Variants in SCNM1 observed in about 807,000 individuals in gnomAD.
SCNM1 encodes the protein sodium channel modifier 1.
A neutral mutation model predicts 32.8 loss-of-function variants in SCNM1; 24 were observed. That is an observed-to-expected ratio of 0.73 (90% CI 0.53 to 1.03). The LOEUF is 1.03. Among genes scored for constraint, SCNM1 ranks in the 50% least tolerant of loss-of-function variants. The pLI, the probability that SCNM1 is intolerant of heterozygous loss-of-function variation, is 0.00. For synonymous variants in SCNM1, 99 were observed against 103.2 expected, an observed-to-expected ratio of 0.96 and a Z score of 0.25; for missense variants, 274 against 282.3, an observed-to-expected ratio of 0.97 and a Z score of 0.21.
chr1:151,168,078 G>T, intron 5 of SCNM1, 66 bp from the exon 6 acceptor site: 2 of 1,479,362 alleles, frequency 1.4e-6, no homozygotes, highest in Admixed American at 2.3e-5. Flanking sequence ...GTTTTAAGAG[G>T]TTGGGAGTCA....
chr1:151,168,791 T>A (rs587740806), intron 6 of SCNM1, among the ~76,000 whole-genome samples, 195 bp from the exon 7 acceptor site: 10 of 9,426 alleles, frequency 1.1e-3, no homozygotes, highest in East Asian at 6.6e-3. Context: ...CACTGCTAAC[T>A]TTTTTTTTTT....
At chr1:151,166,643 A>T in intron 2 of SCNM1, 102 bp downstream of exon 2, 1 of 1,513,722 alleles carries the variant, frequency 6.6e-7, no homozygotes, top group South Asian at 1.2e-5. Context: ...GGTGCTGCCC[A>T]GGCTGCCCTC....
intron 2 of SCNM1, 161 bp from the exon 3 acceptor site, chr1:151,166,773 C>A: frequency 7.8e-7 from 1 of 1,277,832 alleles, no homozygotes; most frequent in Non-Finnish European, 1.1e-6. Context: ...GCAGGAGTAC[C>A]TAGGATTCTT....
Position 151,167,368 on chromosome 1 carries a change from C to T in SCNM1, c.352C>T (p.Leu118=). 1 of 1,614,168 alleles carries T rather than the reference C, an allele frequency of 6.2e-7. No homozygotes were observed. The highest frequency in any genetic ancestry group is 8.5e-7 in the Non-Finnish European group (1 of 1,180,036). The change falls in exon 5 of 7, where the codon CTG becomes TTG. Residue 118 remains leucine, a synonymous_variant. Coordinates refer to ENST00000368905, the MANE Select transcript of SCNM1 (RefSeq NM_024041.4). ...TQTRLITQSA[L]HRAPHYNSCC... ...GACACGACTTATCACCCAGAGTGCT[C>T]TGCACAGAGCTCCCCACTATAACAG...
At chr1:151,168,596 C>CG (rs5777764) in intron 6 of SCNM1, among the ~76,000 whole-genome samples, 69,042 of 151,396 alleles carry the variant, frequency 0.46, 19,297 homozygotes, top group East Asian at 0.79. Flanking sequence ...TTAGTAGAGA[C>CG]GGGGTTTCTC....
chr1:151,167,724 C>A, intron 5 of SCNM1: 1 of 383,542 alleles, frequency 2.6e-6, no homozygotes, highest in South Asian at 2.3e-5. Flanking sequence ...CCCAGCTACT[C>A]AAGAGGCTGA....
chr1:151,167,856 A>T (rs1439359595), intron 5 of SCNM1: 5 of 338,608 alleles, frequency 1.5e-5, no homozygotes, highest in South Asian at 6.8e-5. Context: ...AGAAAGAAAA[A>T]GAAAAGGAGA....
chr1:151,166,380 T>G, intron 1 of SCNM1, 91 bp from the exon 2 acceptor site: 1 of 1,572,576 alleles, frequency 6.4e-7, no homozygotes, highest in Non-Finnish European at 8.6e-7. Context: ...GGGTCCTTAT[T>G]CCATTTCACT....
intron 6 of SCNM1, among the ~76,000 whole-genome samples, chr1:151,168,601 T>C (rs111733362): frequency 1.4e-5 from 2 of 145,450 alleles, no homozygotes; most frequent in Admixed American, 1.4e-4. Flanking sequence ...AGAGACGGGG[T>C]TTCTCCATGT....
rs146382113 is a variant in SCNM1 at position 151,167,559 on chromosome 1, C to A, written c.398+145C>A. ...AGAAAAGGAGAATTTTGGCTGGGCG[C>A]GGTGACTCACGCCTGTAATCCCAGC... On this transcript the variant is annotated intron_variant, in intron 5 of 6. Coordinates refer to ENST00000368905, the MANE Select transcript of SCNM1 (RefSeq NM_024041.4). The A allele has an allele frequency of 1.9e-3, 2,048 of 1,087,450 alleles. 27 individuals are homozygous for A. In the African/African-American group the frequency reaches 0.027, roughly 14 times the overall value. 67.4% of individuals were successfully genotyped at this position (1,087,450 alleles called of 1,614,324 possible). A position where few individuals can be genotyped will look rare whatever the true frequency, so the allele number is the denominator to read the frequency against.
rs147127258 is a variant in SCNM1 at position 151,168,790 on chromosome 1, CTTTTTTTTTTTTT to C, written c.594-181_594-169del. On this transcript the variant is annotated intron_variant, in intron 6 of 6. Transcript: ENST00000368905. ...GCTCTCAATTTTTTCTCACTGCTAA[CTTTTTTTTTTTTT>C]TTTTTTTTTTTTTTGGTAGAGACAG... Among the ~76,000 whole-genome samples, 10 of 40,378 alleles carry C rather than the reference CTTTTTTTTTTTTT, an allele frequency of 2.5e-4. No individual in the cohort carries two copies. The East Asian group carries it at 6.4e-3, about 26-fold the overall frequency. The allele number at this position is 40,378 out of a possible 152,430, so 26.5% of individuals were successfully genotyped here.
Position 151,169,522 on chromosome 1 carries a change from G to T in SCNM1, c.*437G>T, listed in dbSNP as rs998384857. ...GCCTCCCAAAGTGCTGGGATTACAG[G>T]CATGAGCCACCGCACCCAGCCACGG... is the stretch of plus-strand genomic sequence containing the variant. On this transcript the variant is annotated 3_prime_UTR_variant, in exon 7 of 7. Transcript: ENST00000368905. 6 of 179,762 alleles carry T rather than the reference G, an allele frequency of 3.3e-5. No homozygotes were observed. The highest frequency in any genetic ancestry group is 1.4e-4 in the African/African-American group (6 of 42,122). 11.1% of individuals were successfully genotyped at this position (179,762 alleles called of 1,614,324 possible). A position where few individuals can be genotyped will look rare whatever the true frequency, so the allele number is the denominator to read the frequency against.
Position 151,169,056 on chromosome 1 carries a change from G to T in SCNM1, c.664G>T (p.Glu222Ter), listed in dbSNP as rs1475041306. The T allele has an allele frequency of 8.7e-6, 14 of 1,613,974 alleles. No homozygotes were observed. Among genetic ancestry groups the T allele is most frequent in the Non-Finnish European group, 1.2e-5 (14 of 1,179,998 alleles). Residue 222 changes from glutamate (E) to a stop codon, truncating the protein, a stop_gained, in exon 7 of 7, where the codon GAG (glutamate) becomes TAG (stop). Coordinates refer to ENST00000368905, the MANE Select transcript of SCNM1 (RefSeq NM_024041.4). LOFTEE classifies it high-confidence loss of function. ...AAATGTTGAGTTTGACTCTGATGAG[G>T]AGGAACCACCTGATCTCCCCTTGGA... is the stretch of plus-strand genomic sequence containing the variant. ...DENVEFDSDE[E>*]EPPDLPLD
In SCNM1 at chr1:151,167,522, C is replaced by T. The variant is rs751291179; in HGVS notation, c.398+108C>T. On this transcript the variant is annotated intron_variant, in intron 5 of 6. Transcript: ENST00000368905. ...GAATACTAGTGTTCTGGAGATGTTA[C>T]TTAGTGTTTCAAGAAAAGGAGAATT... The T allele has an allele frequency of 4.7e-6, 7 of 1,478,026 alleles. No individual in the cohort carries two copies. In the South Asian group the frequency reaches 6.8e-5, roughly 14 times the overall value. The allele number at this position is 1,478,026 out of a possible 1,614,324, so 91.6% of individuals were successfully genotyped here. A position where few individuals can be genotyped will look rare whatever the true frequency, so the allele number is the denominator to read the frequency against.
intron 6 of SCNM1, among the ~76,000 whole-genome samples, chr1:151,168,540 C>T (rs1353971499): frequency 6.6e-6 from 1 of 151,984 alleles, no homozygotes; most frequent in Non-Finnish European, 1.5e-5. Flanking sequence ...TCCCGAGTAG[C>T]TGGGATTACA....
Position 151,168,231 on chromosome 1 carries a change from T to A in SCNM1, c.486T>A (p.Pro162=). 6.2e-7 allele frequency: 1 copy of A among 1,614,192 alleles called. No homozygotes were observed. The highest frequency in any genetic ancestry group is 8.5e-7 in the Non-Finnish European group (1 of 1,180,024). ...AAAGTGGGAAGATCAGTAGGGAACCTGAACCTGCGGCTGGCCCACAGGCCG... is the reference window on the plus strand; with the variant it reads ...AAAGTGGGAAGATCAGTAGGGAACCAGAACCTGCGGCTGGCCCACAGGCCG... ...KLQSGKISRE[P]EPAAGPQAEE... is the part of the protein sequence containing the mutation. The change falls in exon 6 of 7, where the codon CCT becomes CCA. Residue 162 remains proline, a synonymous_variant. Transcript: ENST00000368905.
At position 151,167,028 on chromosome 1, in the gene SCNM1, T is replaced by C; in HGVS notation, c.211+6T>C. 2 of 1,614,126 alleles carry C rather than the reference T, an allele frequency of 1.2e-6. No individual in the cohort carries two copies. The highest frequency in any genetic ancestry group is 2.2e-5 in the South Asian group (2 of 91,086). ...AGGCAAGAAACATCTGTCCAGTAAG[T>C]TAGGGGGAAGACGGGATGGGGAATA... is the stretch of plus-strand genomic sequence containing the variant. On this transcript the variant is annotated splice_donor_region_variant and intron_variant, in intron 3 of 6. Coordinates refer to ENST00000368905, the MANE Select transcript of SCNM1 (RefSeq NM_024041.4).
At chr1:151,168,887 C>T (rs999363425) in intron 6 of SCNM1, 99 bp from the exon 7 acceptor site, 18 of 1,360,616 alleles carry the variant, frequency 1.3e-5, no homozygotes, top group Admixed American at 9.6e-5. Context: ...ATCCACCTGC[C>T]TCGGCCTCCC....
Position 151,168,325 on chromosome 1 carries a change from C to T in SCNM1, c.580C>T (p.Leu194Phe), listed in dbSNP as rs371792376. Reference sequence around the variant, plus strand: ...AAGAAGACGAGCCCTGGACCATTATCTCACCCTTCGAAGGTGAGTATGCCT... The same window carrying T: ...AAGAAGACGAGCCCTGGACCATTATTTCACCCTTCGAAGGTGAGTATGCCT... ...PTRRRALDHY[L>F]TLRSSGWIPD... The change falls in exon 6 of 7, where the codon CTC (leucine) becomes TTC (phenylalanine). Residue 194 changes from leucine to phenylalanine, a missense_variant. Transcript: ENST00000368905. The T allele has an allele frequency of 1.7e-5, 28 of 1,608,274 alleles. No individual in the cohort carries two copies. The highest frequency in any genetic ancestry group is 2.2e-5 in the Non-Finnish European group (26 of 1,176,948).
Sources: gnomAD v4.1 joint callset for allele counts (sites outside exome capture counted in the v4.1 genomes callset) on GRCh38, gnomAD v4.1.1 for gene constraint, MANE v1.5 for transcripts, NCBI Gene and HGNC (gene_info 2026-07-23, HGNC 2026-07-21) for gene names.